Variants in EPHA6 observed in about 807,000 individuals in gnomAD.
The protein encoded by EPHA6 is EPH receptor A6.
Under a neutral mutation model 112.0 loss-of-function variants are expected in EPHA6, and 50 were observed. The observed-to-expected ratio is 0.45, with a 90% CI of 0.36 to 0.56. The LOEUF is 0.56. EPHA6 is among the 20% of genes least tolerant of loss of function. The pLI is 0.00. For missense variants in EPHA6, 1,280 were observed against 1,417.4 expected (o/e 0.90, Z 1.56); for synonymous variants, 529 against 490.7 (o/e 1.08, Z -1.03).
At chr3:97,680,029 G>A (rs2031731672) in intron 14 of EPHA6, among the ~76,000 whole-genome samples, 1 of 152,164 alleles carries the variant, frequency 6.6e-6, no homozygotes. Flanking sequence ...CATCTTTAGA[G>A]TTACATTTTA....
chr3:97,730,183 A>G (rs888342033), intron 15 of EPHA6, among the ~76,000 whole-genome samples: 1 of 152,064 alleles, frequency 6.6e-6, no homozygotes, highest in Non-Finnish European at 1.5e-5. Context: ...TTTCCTTAAT[A>G]TAAGATGTGC....
chr3:97,639,497 A>G (rs1168705524), intron 14 of EPHA6, among the ~76,000 whole-genome samples: 1 of 152,134 alleles, frequency 6.6e-6, no homozygotes, highest in Non-Finnish European at 1.5e-5. Flanking sequence ...TCCAAATGTA[A>G]TATTTATAAA....
At chr3:97,685,873 TG>T in intron 14 of EPHA6, among the ~76,000 whole-genome samples, 1 of 152,262 alleles carries the variant, frequency 6.6e-6, no homozygotes, top group East Asian at 1.9e-4. Flanking sequence ...AATAATCAAA[TG>T]CAAATCTAAG....
chr3:97,339,870 A>T (rs1324785227), intron 5 of EPHA6, among the ~76,000 whole-genome samples: 1 of 152,116 alleles, frequency 6.6e-6, no homozygotes. Context: ...GGTGGCCTTC[A>T]GTGATGTCAC....
At chr3:96,891,319 A>G (rs1252803999) in intron 2 of EPHA6, among the ~76,000 whole-genome samples, 1 of 152,228 alleles carries the variant, frequency 6.6e-6, no homozygotes, top group Admixed American at 6.5e-5. Flanking sequence ...TGTTGAACAA[A>G]AGAAACTGGA....
chr3:97,691,683 TA>T (rs2032675380), intron 14 of EPHA6, among the ~76,000 whole-genome samples: 1 of 152,214 alleles, frequency 6.6e-6, no homozygotes, highest in African/African-American at 2.4e-5. Context: ...TTTCATACTC[TA>T]ATAACCCTAA....
At chr3:97,564,574 CAAAATTTAG>C (rs1393813164) in intron 11 of EPHA6, among the ~76,000 whole-genome samples, 7 of 151,990 alleles carry the variant, frequency 4.6e-5, no homozygotes, top group Admixed American at 6.6e-5. Flanking sequence ...AACAAATAAC[CAAAATTTAG>C]AAATCACAGA....
chr3:97,529,634 AT>A (rs1000196926), intron 10 of EPHA6, among the ~76,000 whole-genome samples: 3 of 151,446 alleles, frequency 2.0e-5, no homozygotes, highest in Non-Finnish European at 2.9e-5. Flanking sequence ...TTAATTTAAA[AT>A]TTTTTTTTCC....
intron 3 of EPHA6, among the ~76,000 whole-genome samples, chr3:97,011,807 C>T (rs1001963795): frequency 2.0e-5 from 3 of 152,124 alleles, no homozygotes; most frequent in Non-Finnish European, 2.9e-5. Flanking sequence ...CGGCTCCTTC[C>T]TCTAGTAGTT....
chr3:97,080,467 A>G (rs527772861), intron 3 of EPHA6, among the ~76,000 whole-genome samples: 13 of 152,278 alleles, frequency 8.5e-5, no homozygotes, highest in African/African-American at 1.7e-4. Flanking sequence ...AGCATTTTCT[A>G]TAACTATTTT....
intron 6 of EPHA6, among the ~76,000 whole-genome samples, chr3:97,429,760 A>G (rs1577374048): frequency 6.6e-6 from 1 of 152,236 alleles, no homozygotes; most frequent in Non-Finnish European, 1.5e-5. Context: ...CAAAGATAGA[A>G]TAACTTTTAT....
In EPHA6 at chr3:97,652,402, A is replaced by G. The variant is rs529013915; in HGVS notation, c.2784+14320A>G. On this transcript the variant is annotated intron_variant, in intron 14 of 17. Transcript: ENST00000389672. ...CCTCTCTTGTTATTTCTTCCTGGCT[A>G]ATGAAACCTTGAAATTTGGATGTTT... Among the ~76,000 whole-genome samples the G allele has an allele frequency of 7.2e-5, 11 of 152,214 alleles. No individual in the cohort carries two copies. In the South Asian group the frequency reaches 1.7e-3, roughly 23 times the overall value.
At chr3:97,646,122 C>A (rs1404835046) in intron 14 of EPHA6, 1 of 1,523,536 alleles carries the variant, frequency 6.6e-7, no homozygotes, top group South Asian at 1.2e-5. Context: ...AATTCAGAGA[C>A]CCACAAATCA....
In EPHA6 at chr3:97,627,465, T is replaced by C. The variant is rs555696744; in HGVS notation, c.2575-10408T>C. On this transcript the variant is annotated intron_variant, in intron 13 of 17. Transcript: ENST00000389672. The stretch of plus-strand genomic sequence containing the variant: ...AAGGTAAGGGAGCAAATAAAGTGGA[T>C]ACCTGAGAGAAAATATTCCAGGGAA... 3.9e-5 allele frequency among the ~76,000 whole-genome samples: 6 copies of C among 151,950 alleles called. No individual in the cohort carries two copies. The East Asian group carries it at 7.8e-4, about 20-fold the overall frequency.
intron 6 of EPHA6, among the ~76,000 whole-genome samples, chr3:97,446,167 C>T (rs1405855509): frequency 6.6e-6 from 1 of 152,124 alleles, no homozygotes; most frequent in Non-Finnish European, 1.5e-5. Context: ...CTTAAAAACA[C>T]CAGGAGGAGA....
At chr3:97,564,753 T>G (rs542388499) in intron 11 of EPHA6, among the ~76,000 whole-genome samples, 1 of 152,280 alleles carries the variant, frequency 6.6e-6, no homozygotes, top group Admixed American at 6.5e-5. Flanking sequence ...AGATTTATTA[T>G]TAAACATGCA....
intron 8 of EPHA6, among the ~76,000 whole-genome samples, chr3:97,475,750 T>A (rs1461244723): frequency 6.6e-6 from 1 of 152,086 alleles, no homozygotes; most frequent in African/African-American, 2.4e-5. Flanking sequence ...TCATAAAAAA[T>A]AATTTTCTTA....
intron 2 of EPHA6, among the ~76,000 whole-genome samples, chr3:96,954,140 C>T (rs2107730045): frequency 6.6e-6 from 1 of 152,264 alleles, no homozygotes; most frequent in East Asian, 1.9e-4. Flanking sequence ...TCCCAAAGTG[C>T]TGGGATTACG....
chr3:97,169,063 C>G (rs1262866716), intron 3 of EPHA6, among the ~76,000 whole-genome samples: 1 of 152,182 alleles, frequency 6.6e-6, no homozygotes, highest in Non-Finnish European at 1.5e-5. Flanking sequence ...CTTCGCAACA[C>G]TTGTGTGTCA....
Sources: gnomAD v4.1 joint callset for allele counts (sites outside exome capture counted in the v4.1 genomes callset) on GRCh38, gnomAD v4.1.1 for gene constraint, MANE v1.5 for transcripts, NCBI Gene and HGNC (gene_info 2026-07-23, HGNC 2026-07-21) for gene names.